Variants in PCDHA8 observed in about 807,000 individuals in gnomAD.
The protein encoded by PCDHA8 is protocadherin alpha 8.
A neutral mutation model predicts 61.8 loss-of-function variants in PCDHA8; 53 were observed. That is an observed-to-expected ratio of 0.86 (90% confidence interval 0.69 to 1.08). The LOEUF is 1.08. Among genes scored for constraint, PCDHA8 ranks in the 50% least tolerant of loss-of-function variants. The pLI is 0.00. For synonymous variants in PCDHA8, 618 were observed against 556.6 expected (o/e 1.11, Z -1.55); for missense variants, 1,293 against 1,245.0 (o/e 1.04, Z -0.58).
intron 1 of PCDHA8, among the ~76,000 whole-genome samples, chr5:140,894,571 T>C (rs782019282): frequency 2.0e-5 from 3 of 151,906 alleles, no homozygotes; most frequent in Non-Finnish European, 4.4e-5. Flanking sequence ...TTATTTTCCT[T>C]TTTTTTAATA....
intron 1 of PCDHA8, chr5:140,863,284 G>A (rs1554158061): frequency 1.4e-6 from 2 of 1,461,880 alleles, no homozygotes; most frequent in Non-Finnish European, 1.9e-6. Flanking sequence ...GGATGTCAAC[G>A]TGTACCTGAT....
Position 140,892,511 on chromosome 5 carries a change from C to T in PCDHA8, c.2394+48796C>T, listed in dbSNP as rs115588708. Among the ~76,000 whole-genome samples the T allele has an allele frequency of 8.0e-3, 1,214 of 152,282 alleles. 6 individuals carry two copies. Among genetic ancestry groups the T allele is most frequent in the African/African-American group, 0.019 (784 of 41,558 alleles). On this transcript the variant is annotated intron_variant, in intron 1 of 3. Coordinates refer to ENST00000531613, the MANE Select transcript of PCDHA8 (RefSeq NM_018911.3). ...TGAGAGATTGTTTAAGAAGTTCCAC[C>T]ATGACTGGTAGACTCAGGATTCTGA...
intron 1 of PCDHA8, chr5:140,843,920 A>G (rs1365256690): frequency 1.6e-6 from 1 of 607,552 alleles, no homozygotes; most frequent in Non-Finnish European, 2.8e-6. Context: ...GTCTATCTTG[A>G]AACTCAAGTT....
intron 1 of PCDHA8, among the ~76,000 whole-genome samples, chr5:140,912,783 A>G (rs1287611610): frequency 6.6e-6 from 1 of 152,166 alleles, no homozygotes; most frequent in African/African-American, 2.4e-5. Context: ...TGTCCCTTCT[A>G]TGCCAATTTT....
intron 1 of PCDHA8, chr5:140,871,269 G>A (rs782046462): frequency 1.2e-6 from 2 of 1,613,952 alleles, no homozygotes; most frequent in Non-Finnish European, 8.5e-7. Flanking sequence ...CGCTGTGGTG[G>A]TCGGCAACGC....
At chr5:140,902,066 T>C (rs2069077660) in intron 1 of PCDHA8, among the ~76,000 whole-genome samples, 1 of 152,202 alleles carries the variant, frequency 6.6e-6, no homozygotes, top group Admixed American at 6.5e-5. Flanking sequence ...GCAACTTTAC[T>C]GAATTTATTG....
intron 1 of PCDHA8, chr5:140,881,269 G>T (rs1016077757): frequency 3.1e-6 from 2 of 648,656 alleles, no homozygotes; most frequent in Non-Finnish European, 1.9e-6. Context: ...CAGTGATGAT[G>T]AAGTAAGATG....
chr5:140,843,545 T>C lies in PCDHA8; in HGVS notation c.2224T>C (p.Ser742Pro). The change falls in exon 1 of 4, where the codon TCC becomes CCC. Residue 742 changes from serine (S) to proline (P), a missense_variant. Physicochemically the swap from Ser to Pro is moderately conservative, Grantham distance 74 (BLOSUM62 -1). Transcript: ENST00000531613. ...GGCGGGCAAGCCCACTCTGGTGTGC[T>C]CCAGTGCGGTGGGGAGCTGGTCATA... Reference protein sequence around the residue: ...CRAGKPTLVCSSAVGSWSYSQ... With the variant: ...CRAGKPTLVCPSAVGSWSYSQ... 4 of 1,595,904 alleles carry C rather than the reference T, an allele frequency of 2.5e-6. No homozygotes were observed. The highest frequency in any genetic ancestry group is 3.4e-6 in the Non-Finnish European group (4 of 1,165,472).
intron 1 of PCDHA8, among the ~76,000 whole-genome samples, chr5:140,938,013 A>G (rs1310661606): frequency 6.6e-6 from 1 of 152,220 alleles, no homozygotes; most frequent in Non-Finnish European, 1.5e-5. Flanking sequence ...TTCTTGCTAA[A>G]TAGTAAAATC....
intron 1 of PCDHA8, among the ~76,000 whole-genome samples, chr5:140,873,375 T>G (rs251375): frequency 0.44 from 67,180 of 152,024 alleles, 15,319 homozygotes; most frequent in South Asian, 0.58. Flanking sequence ...GAAGATCTTT[T>G]AAAGACTTGG....
intron 1 of PCDHA8, chr5:140,877,799 T>C: frequency 1.2e-6 from 2 of 1,613,438 alleles, no homozygotes; most frequent in Non-Finnish European, 1.7e-6. Context: ...AGCCCAAGCC[T>C]TCAGCTGTCT....
chr5:140,850,200 C>T, intron 1 of PCDHA8: 1 of 1,593,442 alleles, frequency 6.3e-7, no homozygotes. Context: ...GCTGACACCT[C>T]GGATGAGGGG....
Position 140,841,763 on chromosome 5 carries a change from C to T in PCDHA8, c.442C>T (p.Pro148Ser). The T allele has an allele frequency of 1.9e-6, 3 of 1,613,884 alleles. No individual in the cohort carries two copies. The highest frequency in any genetic ancestry group is 1.3e-5 in the African/African-American group (1 of 74,976). ...GCTGTTTGTTTCAGAATCCAGAATG[C>T]CAGACTCTCGGTTTCCGCTAGAGGG... ...QKLFVSESRM[P>S]DSRFPLEGAS... The change falls in exon 1 of 4, where the codon CCA (proline) becomes TCA (serine). Residue 148 changes from proline to serine, a missense_variant. Pro to Ser is a moderately conservative substitution (Grantham distance 74, BLOSUM62 -1). Transcript: ENST00000531613.
At chr5:140,990,792 T>C (rs1554251750) in intron 3 of PCDHA8, among the ~76,000 whole-genome samples, 2 of 152,176 alleles carry the variant, frequency 1.3e-5, no homozygotes, top group African/African-American at 4.8e-5. Flanking sequence ...CGATGAACCA[T>C]GGAATACAGA....
chr5:140,903,642 A>G (rs1583499752), intron 1 of PCDHA8, among the ~76,000 whole-genome samples: 2 of 152,374 alleles, frequency 1.3e-5, no homozygotes, highest in East Asian at 3.8e-4. Context: ...CATATACCAT[A>G]TACATATATT....
chr5:140,964,472 T>A (rs1160731930), intron 1 of PCDHA8, among the ~76,000 whole-genome samples: 1 of 152,074 alleles, frequency 6.6e-6, no homozygotes, highest in Non-Finnish European at 1.5e-5. Context: ...GTGCCTATGA[T>A]TTTTTCACAG....
intron 1 of PCDHA8, among the ~76,000 whole-genome samples, chr5:140,922,795 G>C (rs1393016233): frequency 7.9e-5 from 12 of 152,152 alleles, no homozygotes; most frequent in African/African-American, 2.9e-4. Context: ...TGTAGCTTTG[G>C]AATACAGAAA....
At chr5:140,893,634 T>C (rs2064095604) in intron 1 of PCDHA8, among the ~76,000 whole-genome samples, 1 of 152,236 alleles carries the variant, frequency 6.6e-6, no homozygotes, top group Admixed American at 6.5e-5. Flanking sequence ...CTGCTTGGTA[T>C]AGTATTTTTG....
intron 3 of PCDHA8, among the ~76,000 whole-genome samples, chr5:140,987,422 G>A (rs1554249178): frequency 6.6e-6 from 1 of 152,152 alleles, no homozygotes; most frequent in Non-Finnish European, 1.5e-5. Flanking sequence ...CTTGTGAGAA[G>A]CAGGGGGCCT....
Sources: gnomAD v4.1 joint callset for allele counts (sites outside exome capture counted in the v4.1 genomes callset) on GRCh38, gnomAD v4.1.1 for gene constraint, MANE v1.5 for transcripts, NCBI Gene and HGNC (gene_info 2026-07-23, HGNC 2026-07-21) for gene names.